The following ADAMTS18 variants were observed in gnomAD, a reference collection of about 807,000 sequenced individuals.
ADAMTS18 encodes A disintegrin and metalloproteinase with thrombospondin motifs 18.
A neutral mutation model predicts 165.9 loss-of-function variants in ADAMTS18; 157 were observed. That is an observed-to-expected ratio of 0.95 (90% CI 0.83 to 1.08). The LOEUF (loss-of-function observed/expected upper bound fraction) is 1.08, where lower values mean the gene tolerates loss of function less well. Ranked by LOEUF, ADAMTS18 falls within the 50% of genes least tolerant of loss-of-function variation. The probability of loss-of-function intolerance (pLI) is 0.00; values close to 1 mark genes in which losing one functional copy is unlikely to be tolerated. For synonymous variants in ADAMTS18, 782 were observed against 578.2 expected, an observed-to-expected ratio of 1.35 and a Z score of -5.06; for missense variants, 2,040 against 1,534.0, an observed-to-expected ratio of 1.33 and a Z score of -5.51.
At chr16:77,299,196 T>C (rs2055534097) in intron 17 of ADAMTS18, among the ~76,000 whole-genome samples, 2 of 152,206 alleles carry the variant, frequency 1.3e-5, no homozygotes, top group Admixed American at 1.3e-4. Flanking sequence ...ACTCACGGTA[T>C]GTGAGTCTGT....
intron 8 of ADAMTS18, among the ~76,000 whole-genome samples, chr16:77,357,705 T>C (rs1411885509): frequency 6.6e-6 from 1 of 152,218 alleles, no homozygotes; most frequent in Non-Finnish European, 1.5e-5. Context: ...TAAATTTAAT[T>C]TAATAGCATT....
intron 3 of ADAMTS18, among the ~76,000 whole-genome samples, chr16:77,409,949 G>C (rs1320157018): frequency 6.6e-6 from 1 of 151,932 alleles, no homozygotes; most frequent in Non-Finnish European, 1.5e-5. Flanking sequence ...TATTTGTCTG[G>C]GTGGGATCAA....
intron 15 of ADAMTS18, 90 bp from the exon 16 acceptor site, chr16:77,320,183 T>G (rs1448398073): frequency 1.3e-6 from 2 of 1,498,216 alleles, no homozygotes; most frequent in East Asian, 4.5e-5. Flanking sequence ...TGTTCAGTTT[T>G]ATAGAGTGAG....
At position 77,367,728 on chromosome 16, in the gene ADAMTS18, A is replaced by G; in HGVS notation, c.496-5T>C. 6.2e-7 allele frequency: 1 copy of G among 1,614,182 alleles called. No homozygotes were observed. The highest frequency in any genetic ancestry group is 8.5e-7 in the Non-Finnish European group (1 of 1,180,022). ...TCGTGTCCTTATTAAACCTGACTAA[A>G]AAGCCAAACACAAAGCAAACAGTCA... is the stretch of plus-strand genomic sequence containing the variant. On this transcript the variant is annotated splice_region_variant and splice_polypyrimidine_tract_variant and intron_variant, in intron 3 of 22. Coordinates refer to ENST00000282849, the MANE Select transcript of ADAMTS18 (RefSeq NM_199355.4).
chr16:77,369,560 C>T (rs190231556), intron 3 of ADAMTS18, among the ~76,000 whole-genome samples: 10 of 152,270 alleles, frequency 6.6e-5, no homozygotes, highest in Middle Eastern at 3.4e-3. Context: ...AACAGAAAAT[C>T]TGAACAAACC....
chr16:77,304,833 T>A (rs975791554), intron 16 of ADAMTS18, among the ~76,000 whole-genome samples: 4 of 152,260 alleles, frequency 2.6e-5, no homozygotes, highest in African/African-American at 9.6e-5. Flanking sequence ...TACAGTTTTA[T>A]GGCCAGTAGC....
chr16:77,350,941 A>G (rs1433141331), intron 10 of ADAMTS18, among the ~76,000 whole-genome samples: 1 of 152,198 alleles, frequency 6.6e-6, no homozygotes, highest in African/African-American at 2.4e-5. Context: ...AGGAAAAAAA[A>G]AAGTAAAGTG....
At chr16:77,336,851 A>C (rs114215051) in intron 11 of ADAMTS18, among the ~76,000 whole-genome samples, 1,637 of 152,338 alleles carry the variant, frequency 0.011, 29 homozygotes, top group African/African-American at 0.037. Context: ...AAAGTTCTGC[A>C]TGACTTAGCA....
At chr16:77,321,966 G>A (rs1476377931) in intron 14 of ADAMTS18, among the ~76,000 whole-genome samples, 1 of 151,950 alleles carries the variant, frequency 6.6e-6, no homozygotes, top group East Asian at 1.9e-4. Flanking sequence ...GACCAGTCGG[G>A]CCAACATGGC....
Position 77,282,906 on chromosome 16 carries a change from C to CTCTTTT in ADAMTS18, c.*1049_*1050insAAAAGA, listed in dbSNP as rs527534262. The CTCTTTT allele has an allele frequency of 2.6e-3, 200 of 77,452 alleles. No homozygotes were observed. The highest frequency in any genetic ancestry group is 3.3e-3 in the Non-Finnish European group (118 of 36,240). The allele number at this position is 77,452 out of a possible 1,614,324, so 4.8% of individuals were successfully genotyped here. A position where few individuals can be genotyped will look rare whatever the true frequency, so the allele number is the denominator to read the frequency against. ...CCACTGTTTACTCCTTTCTTTCTCT[C>CTCTTTT]TTTTTTTTTTTTTTTTTTTTGCTGT... On this transcript the variant is annotated 3_prime_UTR_variant, in exon 23 of 23. Coordinates refer to ENST00000282849, the MANE Select transcript of ADAMTS18 (RefSeq NM_199355.4).
intron 6 of ADAMTS18, 70 bp downstream of exon 6, chr16:77,363,732 C>G: frequency 7.1e-7 from 1 of 1,416,290 alleles, no homozygotes; most frequent in Non-Finnish European, 1.0e-6. Flanking sequence ...TTAGTGAACA[C>G]AGTAGGTGTT....
intron 3 of ADAMTS18, among the ~76,000 whole-genome samples, chr16:77,384,938 C>G (rs1395606323): frequency 6.8e-6 from 1 of 147,996 alleles, no homozygotes; most frequent in East Asian, 2.0e-4. Context: ...GAGACAGAGT[C>G]TTGTTCTGTT....
chr16:77,305,585 G>C (rs1161149514), intron 16 of ADAMTS18, among the ~76,000 whole-genome samples: 3 of 152,094 alleles, frequency 2.0e-5, no homozygotes, highest in African/African-American at 7.2e-5. Context: ...CTAAATCCAG[G>C]TTTTCTCACC....
chr16:77,396,101 G>C (rs955168496), intron 3 of ADAMTS18, among the ~76,000 whole-genome samples: 2 of 152,108 alleles, frequency 1.3e-5, no homozygotes, highest in African/African-American at 4.8e-5. Flanking sequence ...CAACTCTTTT[G>C]GGAAAGCCAG....
chr16:77,371,766 GA>G (rs944232464), intron 3 of ADAMTS18, among the ~76,000 whole-genome samples: 79 of 152,112 alleles, frequency 5.2e-4, no homozygotes, highest in African/African-American at 1.8e-3. Context: ...CAAAAACAGA[GA>G]AATGGAAGTG....
rs1234063390 is a variant in ADAMTS18 at position 77,322,420 on chromosome 16, A to AAATT, written c.2075_2078dup (p.Phe693LeufsTer22). Reference sequence around the variant, plus strand: ...TCACTTTGCCGGACATTGCAAAAAAAAATTCAAAGTTCTCAGCCTTGCAGT... The same window carrying AAATT: ...TCACTTTGCCGGACATTGCAAAAAAAAATTAATTCAAAGTTCTCAGCCTTGCAGT... On this transcript the variant is annotated frameshift_variant, in exon 14 of 23. Transcript: ENST00000282849. LOFTEE classifies it high-confidence loss of function. 1.2e-6 allele frequency: 2 copies of AAATT among 1,614,152 alleles called. No homozygotes were observed. Among genetic ancestry groups the AAATT allele is most frequent in the Non-Finnish European group, 1.7e-6 (2 of 1,179,988 alleles).
At chr16:77,335,556 C>A (rs917272421) in intron 12 of ADAMTS18, among the ~76,000 whole-genome samples, 200 bp downstream of exon 12, 1 of 151,858 alleles carries the variant, frequency 6.6e-6, no homozygotes, top group Non-Finnish European at 1.5e-5. Flanking sequence ...GTGATGGATA[C>A]CTCATTATGC....
At chr16:77,341,410 G>T (rs1446111560) in intron 11 of ADAMTS18, among the ~76,000 whole-genome samples, 1 of 152,030 alleles carries the variant, frequency 6.6e-6, no homozygotes, top group Non-Finnish European at 1.5e-5. Context: ...AGTTTAAAAG[G>T]AAAATGGTAT....
In ADAMTS18 at chr16:77,411,267, G is replaced by A. The variant is rs143797866; in HGVS notation, c.495+20028C>T. On this transcript the variant is annotated intron_variant, in intron 3 of 22. Transcript: ENST00000282849. ...GCTCCCTGACATATATATATCTCCCGGTCTCTGTCAATTCATCAGCAAGAC... is the reference window on the plus strand; with the variant it reads ...GCTCCCTGACATATATATATCTCCCAGTCTCTGTCAATTCATCAGCAAGAC... Among the ~76,000 whole-genome samples the A allele has an allele frequency of 1.4e-4, 21 of 152,120 alleles. No homozygotes were observed. The East Asian group carries it at 2.7e-3, about 20-fold the overall frequency.
Sources: gnomAD v4.1 joint callset for allele counts (sites outside exome capture counted in the v4.1 genomes callset) on GRCh38, gnomAD v4.1.1 for gene constraint, MANE v1.5 for transcripts, NCBI Gene and HGNC (gene_info 2026-07-23, HGNC 2026-07-21) for gene names.